LMO3: variants seen among roughly 807,000 people sequenced by gnomAD.
LMO3 encodes LIM domain only protein 3.
LMO3 carries 2 observed loss-of-function variants against 15.8 expected under a neutral mutation model. The ratio of observed to expected loss-of-function variants is 0.13; its 90% CI spans 0.05 to 0.40. The LOEUF (loss-of-function observed/expected upper bound fraction) is 0.40. LMO3 is among the 10% of genes least tolerant of loss of function. The pLI, the probability that LMO3 is intolerant of heterozygous loss-of-function variation, is 0.99. For synonymous variants in LMO3, 62 were observed against 63.8 expected (o/e 0.97, Z 0.13); for missense variants, 86 against 182.2 (o/e 0.47, Z 3.04).
At chr12:16,601,207 G>A (rs1048625970) in intron 1 of LMO3, among the ~76,000 whole-genome samples, 1 of 152,138 alleles carries the variant, frequency 6.6e-6, no homozygotes, top group African/African-American at 2.4e-5. Flanking sequence ...AAGAAAATGT[G>A]AGTAAATAAC....
In LMO3 at chr12:16,548,624, G is replaced by C. The variant is rs1489600644; in HGVS notation, c.*2598C>G. ...CGGAGGTGTCCTACTGGAGGCATCA[G>C]ACAACAAGCTAAATGACGTTAGGGC... On this transcript the variant is annotated 3_prime_UTR_variant, in exon 4 of 4. Coordinates refer to ENST00000537304, the MANE Select transcript of LMO3 (RefSeq NM_018640.5). The surrounding 1 kb of genome is among the most constrained non-coding windows in gnomAD (Gnocchi z 4.2). The C allele has an allele frequency of 6.6e-6, 1 of 152,118 alleles. No individual in the cohort carries two copies. The highest frequency in any genetic ancestry group is 1.9e-4 in the East Asian group (1 of 5,182). The allele number at this position is 152,118 out of a possible 1,614,324, so 9.4% of individuals were successfully genotyped here. A position where few individuals can be genotyped will look rare whatever the true frequency, so the allele number is the denominator to read the frequency against.
chr12:16,609,328 C>T (rs1380658105), upstream of LMO3: 1 of 152,126 alleles, frequency 6.6e-6, no homozygotes, highest in East Asian at 1.9e-4. Flanking sequence ...TCACCCCTCC[C>T]GCGAGGGAAA....
chr12:16,552,935 C>A (rs374060388), intron 3 of LMO3, among the ~76,000 whole-genome samples: 13 of 143,174 alleles, frequency 9.1e-5, no homozygotes, highest in African/African-American at 2.7e-4. Flanking sequence ...CAGTAGGGTC[C>A]AAACTCTACC....
At chr12:16,594,331 T>G in intron 2 of LMO3, 1 of 1,369,852 alleles carries the variant, frequency 7.3e-7, no homozygotes, top group Non-Finnish European at 9.5e-7. Context: ...ATAAGCCAAT[T>G]AAACTAAAAA....
At chr12:16,557,034 T>G (rs1042918564) in intron 3 of LMO3, among the ~76,000 whole-genome samples, 2 of 152,226 alleles carry the variant, frequency 1.3e-5, no homozygotes. Context: ...CTTACTTGAC[T>G]GAGTTCTCCT....
intron 1 of LMO3, among the ~76,000 whole-genome samples, chr12:16,602,797 C>G (rs1804008012): frequency 6.6e-6 from 1 of 152,114 alleles, no homozygotes; most frequent in African/African-American, 2.4e-5. Context: ...GATCCAAGTG[C>G]CTGTTAACCA....
At chr12:16,564,588 C>CTA (rs1443448093) in intron 2 of LMO3, among the ~76,000 whole-genome samples, 2 of 152,148 alleles carry the variant, frequency 1.3e-5, no homozygotes, top group Non-Finnish European at 2.9e-5. Context: ...CCAGATGTTT[C>CTA]TATAGATTTT....
chr12:16,600,360 G>T, intron 2 of LMO3: 1 of 214,364 alleles, frequency 4.7e-6, no homozygotes, highest in Non-Finnish European at 9.1e-6. Context: ...TGCTGATTTC[G>T]ACCAAATACA....
At chr12:16,573,562 G>T (rs1315665852) in intron 2 of LMO3, 1 of 152,184 alleles carries the variant, frequency 6.6e-6, no homozygotes, top group African/African-American at 2.4e-5. Flanking sequence ...GCAGTTAAAA[G>T]AAGATACTGG....
At chr12:16,557,911 A>G (rs895300261) in intron 3 of LMO3, among the ~76,000 whole-genome samples, 1 of 152,056 alleles carries the variant, frequency 6.6e-6, no homozygotes, top group Admixed American at 6.5e-5. Flanking sequence ...TCTTTCTACT[A>G]TTCTACAGGG....
chr12:16,560,333 A>C lies in LMO3; in HGVS notation c.332+80T>G, dbSNP rs950730013. On this transcript the variant is annotated intron_variant, in intron 3 of 3. Transcript: ENST00000537304. This position sits in a 1 kb window ranked among gnomAD's most constrained non-coding sequence, Gnocchi z 5.0. ...GAGATTGATTGCTTTAAATGTATGA[A>C]TATAATTTCCACCTATTAAATAAAT... is the stretch of plus-strand genomic sequence containing the variant. 3.5e-6 allele frequency: 5 copies of C among 1,440,856 alleles called. No individual in the cohort carries two copies. In the African/African-American group the frequency reaches 4.3e-5, roughly 12 times the overall value. 89.3% of individuals were successfully genotyped at this position (1,440,856 alleles called of 1,614,324 possible).
chr12:16,564,404 G>T (rs1942516235), intron 2 of LMO3, among the ~76,000 whole-genome samples: 1 of 152,212 alleles, frequency 6.6e-6, no homozygotes. Flanking sequence ...TTGCCATAAA[G>T]CAAGCAAACT....
At chr12:16,569,907 A>G (rs940579288) in intron 2 of LMO3, among the ~76,000 whole-genome samples, 4 of 152,170 alleles carry the variant, frequency 2.6e-5, no homozygotes, top group African/African-American at 9.7e-5. Context: ...CAAATATTTT[A>G]TCTAATCACT....
rs952357196 is a variant in LMO3 at position 16,550,089 on chromosome 12, T to C, written c.*1133A>G. On this transcript the variant is annotated 3_prime_UTR_variant, in exon 4 of 4. Transcript: ENST00000537304. Reference sequence around the variant, plus strand: ...TTTATCAATCCCTTTGTTTCTCTTCTTCTAGAAGATTCTATGAGCATTATG... The same window carrying C: ...TTTATCAATCCCTTTGTTTCTCTTCCTCTAGAAGATTCTATGAGCATTATG... The C allele has an allele frequency of 6.6e-6, 1 of 152,058 alleles. No individual in the cohort carries two copies. The highest frequency in any genetic ancestry group is 2.4e-5 in the African/African-American group (1 of 41,446). The allele number at this position is 152,058 out of a possible 1,614,324, so 9.4% of individuals were successfully genotyped here.
chr12:16,600,522 G>T, intron 2 of LMO3, 133 bp downstream of exon 2: 1 of 720,128 alleles, frequency 1.4e-6, no homozygotes, highest in Non-Finnish European at 2.3e-6. Context: ...GCAACGCTTT[G>T]AAGGCTGACA....
rs530678916 is a variant in LMO3, at chr12:16,591,171, T to C, written c.206+9484A>G. On this transcript the variant is annotated intron_variant, in intron 2 of 3. Coordinates refer to ENST00000537304, the MANE Select transcript of LMO3 (RefSeq NM_018640.5). The surrounding 1 kb of genome is among the most constrained non-coding windows in gnomAD (Gnocchi z 4.1). ...CATAGACCTACACAGTGACTACCCCTTATTCTTGCCCCTCCTGCTCTCCCA... is the reference window on the plus strand; with the variant it reads ...CATAGACCTACACAGTGACTACCCCCTATTCTTGCCCCTCCTGCTCTCCCA... Among the ~76,000 whole-genome samples the C allele has an allele frequency of 6.6e-6, 1 of 152,118 alleles. No individual in the cohort carries two copies. The highest frequency in any genetic ancestry group is 2.4e-5 in the African/African-American group (1 of 41,530).
At chr12:16,554,376 C>G (rs1276817562) in intron 3 of LMO3, among the ~76,000 whole-genome samples, 1 of 152,128 alleles carries the variant, frequency 6.6e-6, no homozygotes, top group Admixed American at 6.5e-5. Context: ...TAGGGAGCTC[C>G]AATCCATATT....
intron 2 of LMO3, among the ~76,000 whole-genome samples, chr12:16,572,474 C>A (rs1194849098): frequency 6.7e-6 from 1 of 148,638 alleles, no homozygotes; most frequent in African/African-American, 2.5e-5. Flanking sequence ...ATTGGGTCAC[C>A]TTTAGGACTT....
chr12:16,594,036 G>A, intron 2 of LMO3: 1 of 1,082,740 alleles, frequency 9.2e-7, no homozygotes, highest in South Asian at 1.6e-5. Flanking sequence ...CTACATGTTA[G>A]ACTGATTAAT....
Sources: allele counts gnomAD v4.1 joint callset (sites outside exome capture counted in the v4.1 genomes callset), GRCh38; gene constraint gnomAD v4.1.1; non-coding constraint Gnocchi (gnomAD v3.1); transcripts MANE v1.5; gene names NCBI Gene and HGNC (gene_info 2026-07-23, HGNC 2026-07-21).